TDRD1: variants seen among roughly 807,000 people sequenced by gnomAD.
The protein encoded by TDRD1 is tudor domain-containing protein 1.
TDRD1 carries 37 observed loss-of-function variants against 140.6 expected under a neutral mutation model. The ratio of observed to expected loss-of-function variants is 0.26; its 90% confidence interval spans 0.20 to 0.35. TDRD1 has a LOEUF of 0.35. TDRD1 is among the 10% of genes least tolerant of loss of function. The pLI, the probability that TDRD1 is intolerant of heterozygous loss-of-function variation, is 1.00. For missense variants in TDRD1, 1,243 were observed against 1,393.0 expected, an observed-to-expected ratio of 0.89 and a Z score of 1.71; for synonymous variants, 506 against 475.7, an observed-to-expected ratio of 1.06 and a Z score of -0.83.
intron 22 of TDRD1, 45 bp from the exon 23 acceptor site, chr10:114,227,027 T>C (rs760040014): frequency 6.0e-6 from 6 of 996,046 alleles, no homozygotes; most frequent in African/African-American, 1.6e-5. Context: ...CTAAATTCTG[T>C]CTTTTTAAAA....
intron 11 of TDRD1, 108 bp downstream of exon 11, chr10:114,206,438 A>T: frequency 1.3e-6 from 1 of 744,446 alleles, no homozygotes; most frequent in Non-Finnish European, 2.2e-6. Context: ...TTAACGATAA[A>T]CATCCTATGA....
At chr10:114,224,975 CTG>C (rs1043219498) in intron 21 of TDRD1, among the ~76,000 whole-genome samples, 1 of 152,200 alleles carries the variant, frequency 6.6e-6, no homozygotes, top group Non-Finnish European at 1.5e-5. Flanking sequence ...ATGGCCTTCA[CTG>C]TGGGTGATCT....
chr10:114,199,276 C>G, exon 4 of TDRD1: 1 of 1,613,694 alleles, frequency 6.2e-7, no homozygotes, highest in Non-Finnish European at 8.5e-7. Flanking sequence ...TCCTTAGGAC[C>G]TCCTCTTCGG....
At chr10:114,228,704 C>T (rs1156769719) in intron 25 of TDRD1, 1 of 984,998 alleles carries the variant, frequency 1.0e-6, no homozygotes, top group Non-Finnish European at 1.2e-6. Flanking sequence ...TGTTCCTCCC[C>T]ACCCCACCCC....
At chr10:114,211,459 A>G (rs1403402575) in intron 13 of TDRD1, among the ~76,000 whole-genome samples, 2 of 152,218 alleles carry the variant, frequency 1.3e-5, no homozygotes, top group Non-Finnish European at 2.9e-5. Context: ...GGGGAGACGC[A>G]GTAATCCTTC....
chr10:114,189,731 A>T (rs1674489903), intron 2 of TDRD1, among the ~76,000 whole-genome samples: 1 of 152,218 alleles, frequency 6.6e-6, no homozygotes, highest in African/African-American at 2.4e-5. Context: ...CCCTGGGATT[A>T]CGGGCATGAA....
chr10:114,186,707 C>A (rs909527635), intron 1 of TDRD1, among the ~76,000 whole-genome samples: 6 of 152,308 alleles, frequency 3.9e-5, no homozygotes, highest in Admixed American at 2.0e-4. Flanking sequence ...CCCATCGCTG[C>A]CCACCTGCAG....
exon 8 of TDRD1, chr10:114,203,398 C>A: frequency 1.3e-6 from 2 of 1,596,120 alleles, no homozygotes; most frequent in South Asian, 1.1e-5. Flanking sequence ...GGTACGGTTA[C>A]CGAATTCAAA....
intron 3 of TDRD1, among the ~76,000 whole-genome samples, chr10:114,197,293 T>C (rs1040558698): frequency 6.6e-6 from 1 of 152,202 alleles, no homozygotes; most frequent in Non-Finnish European, 1.5e-5. Flanking sequence ...ATCAGGCGTT[T>C]CTGTGGTTCT....
exon 3 of TDRD1, chr10:114,190,991 G>A: frequency 6.2e-7 from 1 of 1,614,012 alleles, no homozygotes. Context: ...AGTGCTGAAA[G>A]TAATTCACCA....
At chr10:114,228,820 A>G (rs1247983022) in intron 25 of TDRD1, 38 of 981,280 alleles carry the variant, frequency 3.9e-5, no homozygotes, top group Non-Finnish European at 4.2e-5. Context: ...GTGGTGGCTC[A>G]CGCCTGTAAT....
chr10:114,217,011 G>A (rs1589703629), intron 16 of TDRD1, among the ~76,000 whole-genome samples: 2 of 152,234 alleles, frequency 1.3e-5, no homozygotes, highest in South Asian at 2.1e-4. Flanking sequence ...TCTGCGCTTC[G>A]CTAGCCTGCT....
At chr10:114,232,071 C>T (rs776196055) in exon 26 of TDRD1, 1 of 152,122 alleles carries the variant, frequency 6.6e-6, no homozygotes, top group Admixed American at 6.6e-5. Flanking sequence ...TTGTTATCTT[C>T]TTTTTCTGTT....
At chr10:114,221,361 C>T (rs1282772614) in exon 20 of TDRD1, 3 of 1,612,762 alleles carry the variant, frequency 1.9e-6, no homozygotes, top group South Asian at 2.2e-5. Flanking sequence ...TTCCAGCTAC[C>T]TCTTCAGCTG....
chr10:114,214,555 T>C (rs1232849977), intron 16 of TDRD1, among the ~76,000 whole-genome samples: 1 of 152,022 alleles, frequency 6.6e-6, no homozygotes, highest in African/African-American at 2.4e-5. Context: ...AAAAAACAAA[T>C]TTAACTTGTG....
exon 19 of TDRD1, chr10:114,220,825 C>A: frequency 6.2e-7 from 1 of 1,610,756 alleles, no homozygotes; most frequent in South Asian, 1.1e-5. Context: ...GCTTCAAGTT[C>A]ATGTACAGGG....
intron 1 of TDRD1, 134 bp from the exon 2 acceptor site, chr10:114,187,692 G>T (rs1280453926): frequency 2.5e-6 from 2 of 799,200 alleles, no homozygotes; most frequent in African/African-American, 1.7e-5. Flanking sequence ...TGATGTCATG[G>T]TTATATCTGC....
chr10:114,203,194 A>G lies in TDRD1; in HGVS notation c.801+18A>G, dbSNP rs17091414. 0.19 allele frequency: 296,113 copies of G among 1,575,502 alleles called. 28,824 individuals carry two copies. The highest frequency in any genetic ancestry group is 0.27 in the Admixed American group (16,172 of 59,536). On this transcript the variant is annotated intron_variant, in intron 7 of 25. Coordinates refer to ENST00000251864, the Ensembl canonical transcript of TDRD1. ...AAATAAAGGTATTTGTTTTTCTTCAATCTCCATAGACACAGATCCAGAGAA... is the reference window on the plus strand; with the variant it reads ...AAATAAAGGTATTTGTTTTTCTTCAGTCTCCATAGACACAGATCCAGAGAA...
At chr10:114,219,926 A>T (rs2036041644) in intron 18 of TDRD1, among the ~76,000 whole-genome samples, 1 of 152,108 alleles carries the variant, frequency 6.6e-6, no homozygotes, top group African/African-American at 2.4e-5. Context: ...ATTTTATTCC[A>T]GTGCTGCTTA....
Sources: allele counts gnomAD v4.1 joint callset (sites outside exome capture counted in the v4.1 genomes callset), GRCh38; gene constraint gnomAD v4.1.1; transcripts MANE v1.5; gene names NCBI Gene and HGNC (gene_info 2026-07-23, HGNC 2026-07-21).